Variants in DLGAP4 observed in about 807,000 individuals in gnomAD.
DLGAP4 encodes DLG associated protein 4.
Under a neutral mutation model 86.9 loss-of-function variants are expected in DLGAP4, and 18 were observed. That is an observed-to-expected ratio of 0.21 (90% CI 0.14 to 0.31). DLGAP4 has a LOEUF of 0.31. DLGAP4 is among the 10% of genes least tolerant of loss of function. DLGAP4 has a pLI of 1.00. For missense variants in DLGAP4, 1,085 were observed against 1,362.6 expected, an observed-to-expected ratio of 0.80 and a Z score of 3.21; for synonymous variants, 548 against 574.3, an observed-to-expected ratio of 0.95 and a Z score of 0.65.
At chr20:36,461,381 C>A (rs1459689450) in intron 7 of DLGAP4, 11 of 888,870 alleles carry the variant, frequency 1.2e-5, no homozygotes, top group African/African-American at 5.5e-5. Context: ...GCCCGGGAGT[C>A]CCTGACGACG....
chr20:36,464,058 G>A (rs767453620), intron 7 of DLGAP4, among the ~76,000 whole-genome samples: 1 of 152,164 alleles, frequency 6.6e-6, no homozygotes. Context: ...CCTTTTTACT[G>A]TGTACGCTGT....
At chr20:36,377,767 C>T (rs180785986) in intron 2 of DLGAP4, among the ~76,000 whole-genome samples, 1 of 152,322 alleles carries the variant, frequency 6.6e-6, no homozygotes, top group Non-Finnish European at 1.5e-5. Flanking sequence ...CGGATGCCAT[C>T]CGCCTCCCAT....
At chr20:36,442,038 A>G (rs1373263149) in intron 5 of DLGAP4, among the ~76,000 whole-genome samples, 1 of 152,072 alleles carries the variant, frequency 6.6e-6, no homozygotes, top group Non-Finnish European at 1.5e-5. Context: ...GACCCAAGCC[A>G]TATATTTGGC....
rs117960464 is a variant in DLGAP4, at chr20:36,335,925, C to A, written c.-304+29413C>A. On this transcript the variant is annotated intron_variant, in intron 1 of 12. Coordinates refer to ENST00000339266, the MANE Select transcript of DLGAP4 (RefSeq NM_001365621.2). ...CTCCCAGGGGTTGCAAACTCAGGGG[C>A]CTGCAGGACCTGGCAGATCAGATCA... 3.7e-4 allele frequency among the ~76,000 whole-genome samples: 56 copies of A among 152,206 alleles called. No homozygotes were observed. The East Asian group carries it at 0.011, about 29-fold the overall frequency.
intron 7 of DLGAP4, among the ~76,000 whole-genome samples, chr20:36,483,012 G>C (rs1364950683): frequency 1.3e-5 from 2 of 152,200 alleles, no homozygotes; most frequent in Non-Finnish European, 2.9e-5. Context: ...TCGTGATTTA[G>C]TAACAGTAGC....
intron 8 of DLGAP4, 74 bp downstream of exon 8, chr20:36,497,140 A>G (rs1433741379): frequency 3.7e-5 from 56 of 1,516,396 alleles, no homozygotes; most frequent in Middle Eastern, 2.1e-4. Flanking sequence ...CATCTGGTAG[A>G]GGCCCACTAG....
rs985822372 is a variant in DLGAP4 at position 36,500,723 on chromosome 20, C to T, written c.2512+112C>T. 29 of 1,066,948 alleles carry T rather than the reference C, an allele frequency of 2.7e-5. No homozygotes were observed. Among genetic ancestry groups the T allele is most frequent in the Non-Finnish European group, 3.2e-5 (26 of 800,772 alleles). The allele number at this position is 1,066,948 out of a possible 1,614,324, so 66.1% of individuals were successfully genotyped here. A position where few individuals can be genotyped will look rare whatever the true frequency, so the allele number is the denominator to read the frequency against. ...GAGTGGGGGTCTCTTAGGTTCTCTT[C>T]TTGGGCTAGTTTTTGAGCTCCCTTC... On this transcript the variant is annotated intron_variant, in intron 10 of 12. Coordinates refer to ENST00000339266, the MANE Select transcript of DLGAP4 (RefSeq NM_001365621.2). The surrounding 1 kb of genome is among the most constrained non-coding windows in gnomAD (Gnocchi z 4.6).
intron 1 of DLGAP4, among the ~76,000 whole-genome samples, chr20:36,347,658 C>A (rs2029988816): frequency 6.6e-6 from 1 of 151,120 alleles, no homozygotes; most frequent in Admixed American, 6.6e-5. Flanking sequence ...ACCCCGTCTC[C>A]ACAAAAAAAT....
intron 10 of DLGAP4, among the ~76,000 whole-genome samples, chr20:36,519,228 G>A (rs1254563359): frequency 6.6e-6 from 1 of 152,062 alleles, no homozygotes; most frequent in Non-Finnish European, 1.5e-5. Flanking sequence ...GCAGTGAGCC[G>A]TGATGGCACC....
At chr20:36,441,772 TTC>T (rs1452044796) in intron 5 of DLGAP4, among the ~76,000 whole-genome samples, 1 of 152,176 alleles carries the variant, frequency 6.6e-6, no homozygotes, top group African/African-American at 2.4e-5. Flanking sequence ...ATTCACATTT[TTC>T]TCTGATTCTC....
chr20:36,345,262 T>C (rs567930865), intron 1 of DLGAP4, among the ~76,000 whole-genome samples: 1 of 152,364 alleles, frequency 6.6e-6, no homozygotes, highest in South Asian at 2.1e-4. Context: ...AATTGGCTTC[T>C]GGAGGAATCG....
At chr20:36,482,446 A>G (rs1319920200) in intron 7 of DLGAP4, among the ~76,000 whole-genome samples, 1 of 152,144 alleles carries the variant, frequency 6.6e-6, no homozygotes, top group Admixed American at 6.5e-5. Flanking sequence ...AATACTTCCC[A>G]GGCTGGGCTC....
At chr20:36,380,593 A>G (rs929888236) in intron 2 of DLGAP4, among the ~76,000 whole-genome samples, 11 of 97,214 alleles carry the variant, frequency 1.1e-4, no homozygotes, top group Admixed American at 4.6e-4. Context: ...GTCTGCATTA[A>G]AGAGAGAGAG....
intron 2 of DLGAP4, among the ~76,000 whole-genome samples, chr20:36,373,991 C>T (rs564220961): frequency 1.4e-5 from 2 of 141,568 alleles, no homozygotes; most frequent in Admixed American, 7.5e-5. Context: ...GAACCGAGAT[C>T]GTGCCACTGC....
rs373299123 is a variant in DLGAP4, at chr20:36,496,724, G to A, written c.1668G>A (p.Ala556=). ...CTGCAGGTTCATCATGCCTAGTGGC[G>A]TATAAGAAGACCCCGCCACCGGTCC... is the stretch of plus-strand genomic sequence containing the variant. The part of the protein sequence containing the change: ...RTLPSSSCLV[A]YKKTPPPVPP... The change falls in exon 8 of 13, where the codon GCG becomes GCA. Residue 556 remains alanine, a synonymous_variant. Transcript: ENST00000339266. 23 of 1,606,816 alleles carry A rather than the reference G, an allele frequency of 1.4e-5. No homozygotes were observed. The East Asian group carries it at 1.6e-4, about 11-fold the overall frequency.
At chr20:36,394,362 C>T (rs1355410378) in intron 2 of DLGAP4, among the ~76,000 whole-genome samples, 1 of 152,130 alleles carries the variant, frequency 6.6e-6, no homozygotes, top group African/African-American at 2.4e-5. Context: ...TGCCCTGCGA[C>T]TCTGCCCTGC....
intron 12 of DLGAP4, among the ~76,000 whole-genome samples, chr20:36,526,409 G>T (rs2037764615): frequency 6.6e-6 from 1 of 152,090 alleles, no homozygotes; most frequent in Non-Finnish European, 1.5e-5. Flanking sequence ...CTGCAAACCA[G>T]AACCAGTGAC....
chr20:36,439,521 T>G (rs1203135158), intron 4 of DLGAP4, among the ~76,000 whole-genome samples: 1 of 152,224 alleles, frequency 6.6e-6, no homozygotes, highest in Non-Finnish European at 1.5e-5. Flanking sequence ...GACCCACCTC[T>G]GTCGGGCCTC....
intron 7 of DLGAP4, among the ~76,000 whole-genome samples, chr20:36,471,614 A>T (rs2034668211): frequency 6.6e-6 from 1 of 152,218 alleles, no homozygotes; most frequent in African/African-American, 2.4e-5. Context: ...TGGGAGACTC[A>T]TTCCTGCCTT....
Sources: allele counts gnomAD v4.1 joint callset (sites outside exome capture counted in the v4.1 genomes callset), GRCh38; gene constraint gnomAD v4.1.1; non-coding constraint Gnocchi (gnomAD v3.1); transcripts MANE v1.5; gene names NCBI Gene and HGNC (gene_info 2026-07-23, HGNC 2026-07-21).